The following CCDC40 variants were observed in gnomAD, a reference collection of about 807,000 sequenced individuals.
CCDC40 encodes coiled-coil domain-containing protein 40.
In CCDC40, 104 loss-of-function variants were observed where a neutral mutation model predicts 124.5. The observed-to-expected ratio is 0.84, with a 90% CI of 0.71 to 0.98. The LOEUF is 0.98. CCDC40 is among the 50% of genes least tolerant of loss of function. The pLI is 0.00. For missense variants in CCDC40, 1,463 were observed against 1,503.9 expected (o/e 0.97, Z 0.45); for synonymous variants, 580 against 602.9 (o/e 0.96, Z 0.56).
At chr17:80,044,394 C>A (rs1224378130) in intron 3 of CCDC40, among the ~76,000 whole-genome samples, 1 of 152,136 alleles carries the variant, frequency 6.6e-6, no homozygotes, top group African/African-American at 2.4e-5. Context: ...AATTTATCAA[C>A]AACAACAGGC....
At chr17:80,083,769 G>A (rs2143741387) in intron 12 of CCDC40, among the ~76,000 whole-genome samples, 1 of 152,366 alleles carries the variant, frequency 6.6e-6, no homozygotes, top group African/African-American at 2.4e-5. Context: ...GAGGAGGCCA[G>A]CACTGGCGGC....
rs1173575230 is a variant in CCDC40, at chr17:80,086,721, A to T, written c.2449+505A>T. The T allele has an allele frequency of 3.2e-5, 6 of 187,704 alleles. No homozygotes were observed. The East Asian group carries it at 7.2e-4, about 23-fold the overall frequency. The allele number at this position is 187,704 out of a possible 1,614,324, so 11.6% of individuals were successfully genotyped here. On this transcript the variant is annotated intron_variant, in intron 14 of 19. Coordinates refer to ENST00000397545, the MANE Select transcript of CCDC40 (RefSeq NM_017950.4). The surrounding 1 kb of genome is among the most constrained non-coding windows in gnomAD (Gnocchi z 5.5). The stretch of plus-strand genomic sequence containing the variant: ...CCTTCCTGGACCACTCTCCACCCAC[A>T]TGTCCACCTGCCGAGACATCCCGGG...
At position 80,058,658 on chromosome 17, in the gene CCDC40, T is replaced by C. The variant is rs779042482; in HGVS notation, c.1317+7T>C. On this transcript the variant is annotated splice_region_variant and intron_variant, in intron 8 of 19. Coordinates refer to ENST00000397545, the MANE Select transcript of CCDC40 (RefSeq NM_017950.4). This position sits in a 1 kb window ranked among gnomAD's most constrained non-coding sequence, Gnocchi z 4.2. ...AATCGAGAAGAAAAAGCAGGTATTC[T>C]GCAAACTCGACACATGTTTAATGAT... 2 of 1,614,178 alleles carry C rather than the reference T, an allele frequency of 1.2e-6. No individual in the cohort carries two copies. The highest frequency in any genetic ancestry group is 1.7e-5 in the Admixed American group (1 of 60,026).
intron 1 of CCDC40, 36 bp downstream of exon 1, chr17:80,036,727 G>A: frequency 6.9e-7 from 1 of 1,458,808 alleles, no homozygotes; most frequent in Non-Finnish European, 9.0e-7. Flanking sequence ...TCTTGGAGTC[G>A]CCAGGCCGCG....
Position 80,099,952 on chromosome 17 carries a change from T to C in CCDC40, c.*177T>C. The C allele has an allele frequency of 1.5e-6, 1 of 689,160 alleles. No homozygotes were observed. The highest frequency in any genetic ancestry group is 2.4e-6 in the Non-Finnish European group (1 of 413,392). The allele number at this position is 689,160 out of a possible 1,614,324, so 42.7% of individuals were successfully genotyped here. ...GAATCTTTTTAGCCACTCAGCAATTTAATAAACCAGGTAAAATCCTAGCGT... is the reference window on the plus strand; with the variant it reads ...GAATCTTTTTAGCCACTCAGCAATTCAATAAACCAGGTAAAATCCTAGCGT... On this transcript the variant is annotated 3_prime_UTR_variant, in exon 20 of 20. Transcript: ENST00000397545.
At position 80,078,359 on chromosome 17, in the gene CCDC40, A is replaced by G. The variant is rs142072388; in HGVS notation, c.1563-3187A>G. ...AAAAAAAAAAAAAAAAGGAAAGAAA[A>G]AGAAATGTCTAAGGGTCACGAAGAT... On this transcript the variant is annotated intron_variant, in intron 10 of 19. Transcript: ENST00000397545. 5.9e-3 allele frequency among the ~76,000 whole-genome samples: 892 copies of G among 151,956 alleles called. 8 individuals carry two copies. Among genetic ancestry groups the G allele is most frequent in the African/African-American group, 0.021 (852 of 41,426 alleles).
intron 7 of CCDC40, among the ~76,000 whole-genome samples, chr17:80,053,292 C>T (rs887500743): frequency 5.9e-5 from 9 of 152,172 alleles, no homozygotes; most frequent in Non-Finnish European, 1.0e-4. Context: ...GGCTTCCAGG[C>T]GGGAAAACCC....
chr17:80,065,698 A>C, intron 10 of CCDC40, 92 bp downstream of exon 10: 1 of 1,542,722 alleles, frequency 6.5e-7, no homozygotes, highest in South Asian at 1.1e-5. Context: ...GGTCCACCGG[A>C]TCTCTGGGAC....
At chr17:80,092,677 CA>C (rs1260751176) in intron 17 of CCDC40, among the ~76,000 whole-genome samples, 1 of 152,072 alleles carries the variant, frequency 6.6e-6, no homozygotes, top group African/African-American at 2.4e-5. Flanking sequence ...GTGGTGCAAT[CA>C]TGGCTCACTG....
intron 12 of CCDC40, 125 bp downstream of exon 12, chr17:80,082,183 C>T: frequency 4.5e-6 from 3 of 666,870 alleles, no homozygotes; most frequent in Non-Finnish European, 7.4e-6. Flanking sequence ...GTGCTCACTC[C>T]TTTCCATGGT....
At chr17:80,050,455 T>G (rs1205635537) in intron 7 of CCDC40, among the ~76,000 whole-genome samples, 172 bp downstream of exon 7, 1 of 152,136 alleles carries the variant, frequency 6.6e-6, no homozygotes, top group East Asian at 1.9e-4. Context: ...TTTGTTGTTG[T>G]TTTTTTGAGA....
At chr17:80,078,199 C>T (rs1368954522) in intron 10 of CCDC40, among the ~76,000 whole-genome samples, 1 of 151,652 alleles carries the variant, frequency 6.6e-6, no homozygotes, top group Non-Finnish European at 1.5e-5. Context: ...GGCGTGGTGG[C>T]GGGCGCCTGT....
chr17:80,075,406 T>A (rs2038288754), intron 10 of CCDC40, among the ~76,000 whole-genome samples: 1 of 151,808 alleles, frequency 6.6e-6, no homozygotes, highest in Non-Finnish European at 1.5e-5. Flanking sequence ...GTCTCCCAAG[T>A]GGCTAAGATT....
At chr17:80,091,051 GC>G (rs1187590005) in intron 17 of CCDC40, among the ~76,000 whole-genome samples, 1 of 152,198 alleles carries the variant, frequency 6.6e-6, no homozygotes, top group Non-Finnish European at 1.5e-5. Flanking sequence ...GACTGTGTCA[GC>G]CGCTGCAGGG....
intron 10 of CCDC40, among the ~76,000 whole-genome samples, chr17:80,079,895 A>G: frequency 2.6e-5 from 4 of 151,832 alleles, no homozygotes; most frequent in Admixed American, 2.6e-4. Flanking sequence ...ACTGTACTCC[A>G]GCCTGAGTGG....
At chr17:80,075,275 CTTTTTTT>C (rs71163915) in intron 10 of CCDC40, among the ~76,000 whole-genome samples, 1 of 107,420 alleles carries the variant, frequency 9.3e-6, no homozygotes, top group South Asian at 3.0e-4. Context: ...CAAAATATTA[CTTTTTTT>C]TTTTTTTTTT....
intron 9 of CCDC40, among the ~76,000 whole-genome samples, chr17:80,060,039 A>G (rs917555009): frequency 9.9e-5 from 15 of 152,192 alleles, no homozygotes; most frequent in Non-Finnish European, 1.9e-4. Flanking sequence ...TAACAAAACA[A>G]TTCTGGAGTT....
rs1376459749 is a variant in CCDC40 at position 80,058,984 on chromosome 17, A to C, written c.1440+4A>C. The C allele has an allele frequency of 6.2e-7, 1 of 1,614,170 alleles. No individual in the cohort carries two copies. Among genetic ancestry groups the C allele is most frequent in the Non-Finnish European group, 8.5e-7 (1 of 1,180,016 alleles). Reference sequence around the variant, plus strand: ...TTTAAGGAAAGCAGTGAGTGAGGTAAAAGCAGTCCCCGCAGCTCTCAGTGT... The same window carrying C: ...TTTAAGGAAAGCAGTGAGTGAGGTACAAGCAGTCCCCGCAGCTCTCAGTGT... On this transcript the variant is annotated splice_donor_region_variant and intron_variant, in intron 9 of 19. Coordinates refer to ENST00000397545, the MANE Select transcript of CCDC40 (RefSeq NM_017950.4). The surrounding 1 kb of genome is among the most constrained non-coding windows in gnomAD (Gnocchi z 4.2).
chr17:80,093,051 G>A (rs1255864108), intron 17 of CCDC40, among the ~76,000 whole-genome samples: 2 of 152,184 alleles, frequency 1.3e-5, no homozygotes, highest in Admixed American at 1.3e-4. Context: ...TCCAGTCCTT[G>A]TTGAAATCAG....
Sources: gnomAD v4.1 joint callset for allele counts (sites outside exome capture counted in the v4.1 genomes callset) on GRCh38, gnomAD v4.1.1 for gene constraint, Gnocchi (gnomAD v3.1) non-coding constraint, MANE v1.5 for transcripts, NCBI Gene and HGNC (gene_info 2026-07-23, HGNC 2026-07-21) for gene names.